PTK2: variants seen among roughly 807,000 people sequenced by gnomAD.
PTK2 encodes protein tyrosine kinase 2.
Under a neutral mutation model 150.1 loss-of-function variants are expected in PTK2, and 45 were observed. The observed-to-expected ratio is 0.30, with a 90% confidence interval of 0.24 to 0.38. The LOEUF (loss-of-function observed/expected upper bound fraction) is 0.38, where lower values mean the gene tolerates loss of function less well. Among genes scored for constraint, PTK2 ranks in the 10% least tolerant of loss-of-function variants. The pLI, the probability that PTK2 is intolerant of heterozygous loss-of-function variation, is 1.00. For missense variants in PTK2, 919 were observed against 1,307.3 expected (o/e 0.70, Z 4.58); for synonymous variants, 432 against 449.2 (o/e 0.96, Z 0.48).
intron 2 of PTK2, among the ~76,000 whole-genome samples, chr8:140,912,606 T>A (rs1003256338): frequency 8.6e-5 from 13 of 150,672 alleles, no homozygotes; most frequent in African/African-American, 3.2e-4. Context: ...CTCATAATAA[T>A]AAAAAAAAGA....
chr8:140,898,482 A>G (rs1159376267), intron 2 of PTK2, among the ~76,000 whole-genome samples: 1 of 152,190 alleles, frequency 6.6e-6, no homozygotes, highest in Non-Finnish European at 1.5e-5. Flanking sequence ...TCTCCCTTTA[A>G]TTAACATAGG....
At chr8:140,795,214 G>C (rs1283722631) in intron 12 of PTK2, among the ~76,000 whole-genome samples, 2 of 152,136 alleles carry the variant, frequency 1.3e-5, no homozygotes, top group Non-Finnish European at 2.9e-5. Context: ...AGCAGCCAGA[G>C]TACTTATTCT....
intron 22 of PTK2, among the ~76,000 whole-genome samples, chr8:140,719,139 G>A (rs1253302477): frequency 6.6e-6 from 1 of 151,978 alleles, no homozygotes; most frequent in Non-Finnish European, 1.5e-5. Context: ...TCACGCCACT[G>A]TACTCCAGCC....
intron 2 of PTK2, among the ~76,000 whole-genome samples, chr8:140,911,787 A>G (rs2100163285): frequency 6.6e-6 from 1 of 152,218 alleles, no homozygotes; most frequent in Non-Finnish European, 1.5e-5. Context: ...AAACGTAAAA[A>G]GGGAACATTT....
chr8:140,896,795 G>GT (rs1568397135), intron 2 of PTK2, among the ~76,000 whole-genome samples: 1 of 126,450 alleles, frequency 7.9e-6, no homozygotes, highest in Admixed American at 7.6e-5. Context: ...AAACGGGGGG[G>GT]GGGGGTGGGT....
At chr8:140,848,575 A>G (rs1361565628) in intron 5 of PTK2, among the ~76,000 whole-genome samples, 2 of 152,182 alleles carry the variant, frequency 1.3e-5, no homozygotes, top group African/African-American at 4.8e-5. Context: ...CAAAGCAGGC[A>G]CTCAAGACTG....
intron 1 of PTK2, chr8:140,954,745 T>C (rs2100180664): frequency 6.6e-6 from 1 of 152,182 alleles, no homozygotes; most frequent in Admixed American, 6.5e-5. Context: ...ATACTCACAG[T>C]TCAGAAGCCC....
rs377441719 is a variant in PTK2, at chr8:140,793,365, T to C, written c.1113A>G (p.Pro371=). The C allele has an allele frequency of 9.2e-5, 148 of 1,609,778 alleles. 2 individuals are homozygous for C. The highest frequency in any genetic ancestry group is 5.1e-4 in the African/African-American group (38 of 74,688). The change falls in exon 13 of 32, where the codon CCA becomes CCG. Residue 371 remains proline (P), a synonymous_variant. Transcript: ENST00000522684. ...AAAGCAGTACTTACTTTGGTATTGATGGCAAAGCCCGTTCACCTTCTGCGG... is the reference window on the plus strand; with the variant it reads ...AAAGCAGTACTTACTTTGGTATTGACGGCAAAGCCCGTTCACCTTCTGCGG...
At chr8:140,693,135 C>T (rs528778933) in intron 26 of PTK2, among the ~76,000 whole-genome samples, 106 of 152,210 alleles carry the variant, frequency 7.0e-4, no homozygotes, top group Non-Finnish European at 1.3e-3. Flanking sequence ...GCTCTTTCAA[C>T]CAACTGAGGT....
rs147441262 is a variant in PTK2, at chr8:140,847,459, G to A, written c.451-781C>T. ...TCACTGTGAACACATTTTCAAAGAC[G>A]AAATGTGTACAATTTCCTTGTAGAT... On this transcript the variant is annotated intron_variant, in intron 5 of 31. Coordinates refer to ENST00000522684, the Ensembl canonical transcript of PTK2. 4.5e-3 allele frequency among the ~76,000 whole-genome samples: 686 copies of A among 152,228 alleles called. 4 individuals carry two copies. Among genetic ancestry groups the A allele is most frequent in the African/African-American group, 0.016 (648 of 41,532 alleles).
intron 5 of PTK2, among the ~76,000 whole-genome samples, chr8:140,853,211 T>C (rs1014443980): frequency 6.6e-6 from 1 of 151,788 alleles, no homozygotes; most frequent in African/African-American, 2.4e-5. Flanking sequence ...TTTTTAATAC[T>C]TTAAGTTTTA....
intron 1 of PTK2, among the ~76,000 whole-genome samples, chr8:140,985,149 G>A (rs1232738172): frequency 6.6e-6 from 1 of 151,888 alleles, no homozygotes; most frequent in African/African-American, 2.4e-5. Context: ...GTGAGATGCG[G>A]GTTTCAGTCT....
At chr8:140,992,709 G>C (rs902543511) in intron 1 of PTK2, among the ~76,000 whole-genome samples, 1 of 152,194 alleles carries the variant, frequency 6.6e-6, no homozygotes, top group Admixed American at 6.5e-5. Context: ...AATTCACTGA[G>C]AGGCAAACTG....
At chr8:140,872,809 A>T (rs1266493946) in intron 4 of PTK2, among the ~76,000 whole-genome samples, 3 of 152,236 alleles carry the variant, frequency 2.0e-5, no homozygotes, top group Admixed American at 1.3e-4. Context: ...CTTTATAAAA[A>T]GTGTCATGCT....
chr8:140,691,751 A>G (rs976255474), intron 26 of PTK2, among the ~76,000 whole-genome samples: 5 of 152,250 alleles, frequency 3.3e-5, no homozygotes, highest in African/African-American at 1.2e-4. Context: ...ATAATACCTC[A>G]GTCAGTCATT....
At chr8:140,877,944 T>C (rs1159804568) in intron 4 of PTK2, among the ~76,000 whole-genome samples, 2 of 152,142 alleles carry the variant, frequency 1.3e-5, no homozygotes, top group African/African-American at 4.8e-5. Context: ...CATGTCCATA[T>C]AAACCAAGAT....
intron 1 of PTK2, among the ~76,000 whole-genome samples, chr8:140,949,843 G>A (rs547347159): frequency 1.6e-4 from 25 of 152,276 alleles, no homozygotes; most frequent in South Asian, 6.2e-4. Context: ...CTTGAAGCCC[G>A]GGAGCCAGGC....
chr8:140,749,851 C>T (rs948417736), intron 17 of PTK2, among the ~76,000 whole-genome samples: 8 of 152,094 alleles, frequency 5.3e-5, no homozygotes, highest in South Asian at 2.1e-4. Flanking sequence ...ACAATTAGTC[C>T]GACTTGACTA....
intron 10 of PTK2, among the ~76,000 whole-genome samples, chr8:140,812,835 T>A (rs1415837173): frequency 1.3e-5 from 2 of 151,982 alleles, no homozygotes; most frequent in African/African-American, 4.8e-5. Flanking sequence ...GGCCTAACTA[T>A]CCTAAATATA....
Sources: allele counts gnomAD v4.1 joint callset (sites outside exome capture counted in the v4.1 genomes callset), GRCh38; gene constraint gnomAD v4.1.1; transcripts MANE v1.5; gene names NCBI Gene and HGNC (gene_info 2026-07-23, HGNC 2026-07-21).